The following KIF24 variants were observed in gnomAD, a reference collection of about 807,000 sequenced individuals.
The protein encoded by KIF24 is kinesin family member 24.
A neutral mutation model predicts 118.9 loss-of-function variants in KIF24; 81 were observed. The ratio of observed to expected loss-of-function variants is 0.68; its 90% CI spans 0.57 to 0.82. The LOEUF (loss-of-function observed/expected upper bound fraction) is 0.82, where lower values mean the gene tolerates loss of function less well. KIF24 is among the 40% of genes least tolerant of loss of function. The probability of loss-of-function intolerance (pLI) is 0.00; values close to 1 mark genes in which losing one functional copy is unlikely to be tolerated. For synonymous variants in KIF24, 599 were observed against 610.0 expected (o/e 0.98, Z 0.27); for missense variants, 1,560 against 1,661.6 (o/e 0.94, Z 1.06).
intron 7 of KIF24, 147 bp from the exon 8 acceptor site, chr9:34,269,509 TCC>T (rs1313664840): frequency 2.5e-6 from 1 of 393,518 alleles, no homozygotes; most frequent in African/African-American, 2.1e-5. Flanking sequence ...AACCTCTGCC[TCC>T]CGGGTTCACG....
At chr9:34,267,461 T>C (rs1262081819) in intron 8 of KIF24, among the ~76,000 whole-genome samples, 3 of 152,018 alleles carry the variant, frequency 2.0e-5, no homozygotes, top group African/African-American at 7.2e-5. Flanking sequence ...CCAAAAAATA[T>C]AGAACCTAAA....
intron 1 of KIF24, among the ~76,000 whole-genome samples, chr9:34,320,375 C>T (rs1403993062): frequency 6.7e-6 from 1 of 150,044 alleles, no homozygotes; most frequent in African/African-American, 2.4e-5. Context: ...AGGCTATAAC[C>T]AGCCAGGCAG....
intron 1 of KIF24, among the ~76,000 whole-genome samples, chr9:34,326,042 C>T (rs763709244): frequency 5.9e-5 from 9 of 152,062 alleles, no homozygotes; most frequent in Non-Finnish European, 1.2e-4. Context: ...GTTTTATGCA[C>T]CAGGAATATA....
intron 1 of KIF24, among the ~76,000 whole-genome samples, chr9:34,315,594 A>G (rs1334177475): frequency 1.3e-5 from 2 of 152,252 alleles, no homozygotes; most frequent in African/African-American, 4.8e-5. Context: ...GAGATAATGT[A>G]AGATGGTTCT....
intron 8 of KIF24, among the ~76,000 whole-genome samples, chr9:34,268,206 C>T (rs1206741117): frequency 6.6e-6 from 1 of 151,626 alleles, no homozygotes; most frequent in Non-Finnish European, 1.5e-5. Context: ...TGTTGTTGCC[C>T]AGGCTGGAGT....
rs1837417233 is a variant in KIF24, at chr9:34,318,793, G to A, written c.-25-7422C>T. 1 of 1,548,946 alleles carries A rather than the reference G, an allele frequency of 6.5e-7. No homozygotes were observed. Among genetic ancestry groups the A allele is most frequent in the African/African-American group, 1.4e-5 (1 of 74,016 alleles). On this transcript the variant is annotated intron_variant, in intron 1 of 12. Transcript: ENST00000402558. The surrounding 1 kb of genome is among the most constrained non-coding windows in gnomAD (Gnocchi z 4.9). ...CCGCGCGCAACGTGACCTGGAAGCT[G>A]TGCAGTCGCCTGTAGGGACCCAGCT...
At chr9:34,307,329 T>C (rs1836962561) in intron 2 of KIF24, among the ~76,000 whole-genome samples, 1 of 151,926 alleles carries the variant, frequency 6.6e-6, no homozygotes, top group Admixed American at 6.6e-5. Flanking sequence ...CCTGTCAAAG[T>C]GCTGGGATTA....
At chr9:34,296,388 G>A (rs1313586172) in intron 4 of KIF24, among the ~76,000 whole-genome samples, 57 of 147,300 alleles carry the variant, frequency 3.9e-4, no homozygotes, top group African/African-American at 1.2e-3. Flanking sequence ...TTAGCCGGGC[G>A]TGGTGGCGGG....
chr9:34,289,719 GAGA>G (rs567912691), intron 5 of KIF24, among the ~76,000 whole-genome samples: 31 of 152,318 alleles, frequency 2.0e-4, no homozygotes, highest in African/African-American at 7.0e-4. Flanking sequence ...AAACTCTAAA[GAGA>G]AGATTTTCTT....
At position 34,254,396 on chromosome 9, in the gene KIF24, C is replaced by T. The variant is rs184967195; in HGVS notation, c.4091G>A (p.Gly1364Glu). Residue 1364 changes from glycine to glutamate, a missense_variant, in exon 13 of 13, where the codon GGA (glycine) becomes GAA (glutamate). Gly to Glu is a moderately conservative substitution (Grantham distance 98). Around this residue, in one of 3 missense-constraint regions of KIF24, gnomAD observed 591 missense variants for 655.6 expected, o/e 0.90. Coordinates refer to ENST00000402558, the MANE Select transcript of KIF24 (RefSeq NM_194313.4). ...GGTCTGGCTCTAAGACGGCACTGTT[C>T]CCTCAGGGGCTGCGGTGGGCCCGTG... ...TCHGPTAAPE[G>E]TVPS is the part of the protein sequence containing the mutation. The T allele has an allele frequency of 6.8e-4, 1,096 of 1,613,302 alleles. 11 individuals carry two copies. In the South Asian group the frequency reaches 0.011, roughly 17 times the overall value.
chr9:34,311,827 C>G (rs1837180965), intron 1 of KIF24, among the ~76,000 whole-genome samples: 2 of 150,566 alleles, frequency 1.3e-5, no homozygotes. Context: ...CACAAATGAA[C>G]ACATACATAA....
intron 1 of KIF24, among the ~76,000 whole-genome samples, chr9:34,327,678 G>C (rs1015635818): frequency 6.6e-6 from 1 of 151,970 alleles, no homozygotes; most frequent in South Asian, 2.1e-4. Flanking sequence ...CTTGACTTGA[G>C]AGTAGAGCCA....
In KIF24 at chr9:34,257,946, G is replaced by T. The variant is rs772093216; in HGVS notation, c.1661C>A (p.Thr554Asn). The T allele has an allele frequency of 2.5e-6, 4 of 1,612,784 alleles. No homozygotes were observed. The African/African-American group carries it at 5.3e-5, about 22-fold the overall frequency. Residue 554 changes from threonine to asparagine, a missense_variant, in exon 11 of 13, where the codon ACT (threonine) becomes AAT (asparagine). Physicochemically the swap from Thr to Asn is moderately conservative, Grantham distance 65. Around this residue, in one of 3 missense-constraint regions of KIF24, gnomAD observed 964 missense variants for 988.0 expected, o/e 0.98. Coordinates refer to ENST00000402558, the MANE Select transcript of KIF24 (RefSeq NM_194313.4). ...KELKKGIKCC[T>N]SVTSRNRTSG... ...TGTCCGATTTCGACTGGTAACTGAAGTGCAACACTTAATGCCTTTCTTTAG... is the reference window on the plus strand; with the variant it reads ...TGTCCGATTTCGACTGGTAACTGAATTGCAACACTTAATGCCTTTCTTTAG...
chr9:34,311,541 G>C (rs1471509175), intron 1 of KIF24, among the ~76,000 whole-genome samples, 170 bp from the exon 2 acceptor site: 2 of 151,914 alleles, frequency 1.3e-5, no homozygotes, highest in Admixed American at 1.3e-4. Context: ...AAATAGCATA[G>C]TGCATGAACA....
chr9:34,258,375 G>A (rs966424431), intron 10 of KIF24, among the ~76,000 whole-genome samples: 3 of 152,120 alleles, frequency 2.0e-5, no homozygotes, highest in Admixed American at 2.0e-4. Context: ...AGGCTGAGGC[G>A]GGGAATATTG....
At chr9:34,313,000 T>C (rs9695335) in intron 1 of KIF24, among the ~76,000 whole-genome samples, 89 of 152,274 alleles carry the variant, frequency 5.8e-4, no homozygotes, top group Middle Eastern at 3.4e-3. Context: ...CACTGGCTGG[T>C]AGATTTGTTT....
At chr9:34,309,819 C>T (rs534211574) in intron 2 of KIF24, among the ~76,000 whole-genome samples, 2 of 152,124 alleles carry the variant, frequency 1.3e-5, no homozygotes, top group East Asian at 3.9e-4. Context: ...ATTATGAGAT[C>T]TTCTGAAACC....
At position 34,257,715 on chromosome 9, in the gene KIF24, C is replaced by G; in HGVS notation, c.1892G>C (p.Gly631Ala). The G allele has an allele frequency of 6.2e-7, 1 of 1,614,040 alleles. No individual in the cohort carries two copies. The highest frequency in any genetic ancestry group is 8.5e-7 in the Non-Finnish European group (1 of 1,179,896). The change falls in exon 11 of 13, where the codon GGT (glycine) becomes GCT (alanine). Residue 631 changes from glycine (G) to alanine (A), a missense_variant. Gly to Ala is a moderately conservative substitution (Grantham distance 60). This residue lies in a region of KIF24 where 964 missense variants were observed against 988.0 expected (regional missense o/e 0.98). Transcript: ENST00000402558. ...TTGTGAAGGACTCCCTCTGGAGCCA[C>G]CCCTTTTACCAGAGACCTTAGGTGC... ...TSAPKVSGKRGGSRGSPSQEW... is the reference protein window; with the variant it reads ...TSAPKVSGKRAGSRGSPSQEW...
chr9:34,321,695 C>T (rs889652917), intron 1 of KIF24, among the ~76,000 whole-genome samples: 1 of 147,058 alleles, frequency 6.8e-6, no homozygotes, highest in African/African-American at 2.5e-5. Flanking sequence ...TAGTCACAAA[C>T]TCCTGGGCTC....
Sources: allele counts gnomAD v4.1 joint callset (sites outside exome capture counted in the v4.1 genomes callset), GRCh38; gene constraint gnomAD v4.1.1; regional missense constraint gnomAD v4.1.1; non-coding constraint Gnocchi (gnomAD v3.1); transcripts MANE v1.5; gene names NCBI Gene and HGNC (gene_info 2026-07-23, HGNC 2026-07-21).